NLRP14: variants seen among roughly 807,000 people sequenced by gnomAD.
The protein encoded by NLRP14 is NACHT, LRR and PYD domains-containing protein 14.
NLRP14 carries 105 observed loss-of-function variants against 94.7 expected under a neutral mutation model. The ratio of observed to expected loss-of-function variants is 1.11; its 90% CI spans 0.95 to 1.30. The LOEUF (loss-of-function observed/expected upper bound fraction) is 1.30. NLRP14 is among the 50% of genes most tolerant of loss of function. NLRP14 has a pLI of 0.00. For synonymous variants in NLRP14, 508 were observed against 459.9 expected, an observed-to-expected ratio of 1.10 and a Z score of -1.34; for missense variants, 1,362 against 1,254.1, an observed-to-expected ratio of 1.09 and a Z score of -1.30.
intron 8 of NLRP14, 144 bp downstream of exon 8, chr11:7,058,594 GC>G (rs1852558708): frequency 1.5e-6 from 1 of 672,408 alleles, no homozygotes; most frequent in East Asian, 2.7e-5. Flanking sequence ...ATTAATAATT[GC>G]CATTTATTGT....
At chr11:7,086,165 T>C in the NLRP14 span, among the ~76,000 whole-genome samples, 1 of 152,260 alleles carries the variant, frequency 6.6e-6, no homozygotes, top group East Asian at 1.9e-4. Context: ...CCACTAGCAC[T>C]ACACAGGGGT....
intron 6 of NLRP14, among the ~76,000 whole-genome samples, chr11:7,056,674 T>G (rs925020605): frequency 1.3e-5 from 2 of 152,104 alleles, no homozygotes; most frequent in Non-Finnish European, 1.5e-5. Context: ...TTTTCTTTCA[T>G]TTTTGTTCTG....
chr11:7,042,034 T>A (rs896787846), intron 3 of NLRP14, among the ~76,000 whole-genome samples: 2 of 151,928 alleles, frequency 1.3e-5, no homozygotes, highest in South Asian at 2.1e-4. Flanking sequence ...TTTTTTTTTT[T>A]AATCTGGATG....
chr11:7,071,211 T>C lies in NLRP14; in HGVS notation c.3185T>C (p.Leu1062Pro). The C allele has an allele frequency of 6.2e-7, 1 of 1,613,964 alleles. No homozygotes were observed. Among genetic ancestry groups the C allele is most frequent in the Non-Finnish European group, 8.5e-7 (1 of 1,179,948 alleles). Reference protein sequence around the residue: ...KEAFDEEAQKLLEAVGVSNPH... With the variant: ...KEAFDEEAQKPLEAVGVSNPH... ...GCATTTGATGAGGAAGCCCAGAAGCTGCTGGAAGCTGTGGGAGTTAGCAAT... is the reference window on the plus strand; with the variant it reads ...GCATTTGATGAGGAAGCCCAGAAGCCGCTGGAAGCTGTGGGAGTTAGCAAT... The change falls in exon 12 of 12, where the codon CTG (leucine) becomes CCG (proline). Residue 1062 changes from leucine to proline, a missense_variant. By Grantham distance (98) the Leu-to-Pro change is moderately conservative. Transcript: ENST00000299481.
At chr11:7,045,082 A>G (rs549910771) in intron 4 of NLRP14, among the ~76,000 whole-genome samples, 1 of 152,308 alleles carries the variant, frequency 6.6e-6, no homozygotes, top group African/African-American at 2.4e-5. Flanking sequence ...ACTTTATCCA[A>G]GCTGTTTCAG....
At chr11:7,058,174 T>A in intron 7 of NLRP14, 106 bp from the exon 8 acceptor site, 1 of 898,570 alleles carries the variant, frequency 1.1e-6, no homozygotes, top group Non-Finnish European at 1.8e-6. Context: ...GTTAATTTTA[T>A]AGTTGAGGTA....
intron 10 of NLRP14, 83 bp downstream of exon 10, chr11:7,062,586 G>A (rs1263073430): frequency 8.1e-7 from 1 of 1,227,056 alleles, no homozygotes; most frequent in Non-Finnish European, 1.2e-6. Context: ...ATGGAGAGAG[G>A]ATAAAAACTA....
chr11:7,089,266 G>C, the NLRP14 span: 1 of 1,610,118 alleles, frequency 6.2e-7, no homozygotes, highest in Non-Finnish European at 8.5e-7. Flanking sequence ...AACAAGTCGA[G>C]GGGCTTCGCG....
the NLRP14 span, chr11:7,089,313 G>A: frequency 6.2e-7 from 1 of 1,606,152 alleles, no homozygotes; most frequent in Non-Finnish European, 8.5e-7. Flanking sequence ...CGCCAAGGCC[G>A]CCGCCAGAGA....
intron 1 of NLRP14, among the ~76,000 whole-genome samples, chr11:7,035,105 A>C (rs752159875): frequency 7.5e-4 from 114 of 152,040 alleles, no homozygotes; most frequent in Middle Eastern, 3.4e-3. Flanking sequence ...TAACATGGCC[A>C]ACATGGTGAA....
chr11:7,034,375 A>G lies in NLRP14; in HGVS notation c.-21-4191A>G, dbSNP rs190224932. 4.1e-3 allele frequency among the ~76,000 whole-genome samples: 627 copies of G among 152,266 alleles called. 7 individuals carry two copies. The highest frequency in any genetic ancestry group is 0.014 in the African/African-American group (579 of 41,560). ...CTTATTTCTGGCACTATGAGATGCT[A>G]TCGGCTCATCGTATCTATTCCCTGT... On this transcript the variant is annotated intron_variant, in intron 1 of 11. Coordinates refer to ENST00000299481, the MANE Select transcript of NLRP14 (RefSeq NM_176822.4).
intron 1 of NLRP14, among the ~76,000 whole-genome samples, chr11:7,036,299 C>A (rs1334636110): frequency 6.6e-6 from 1 of 152,066 alleles, no homozygotes; most frequent in Non-Finnish European, 1.5e-5. Flanking sequence ...AGGTAAAAAG[C>A]CAAAACAAAA....
chr11:7,090,212 T>G, the NLRP14 span: 2 of 1,612,316 alleles, frequency 1.2e-6, no homozygotes, highest in Non-Finnish European at 1.7e-6. Flanking sequence ...AGCGTGATTC[T>G]TACAGCCGGT....
intron 1 of NLRP14, among the ~76,000 whole-genome samples, chr11:7,023,353 A>G (rs939517166): frequency 6.8e-6 from 1 of 146,814 alleles, no homozygotes; most frequent in Non-Finnish European, 1.5e-5. Flanking sequence ...TTTTAATTAT[A>G]TTACATATAT....
chr11:7,077,333 T>C, the NLRP14 span, among the ~76,000 whole-genome samples: 1 of 152,190 alleles, frequency 6.6e-6, no homozygotes, highest in African/African-American at 2.4e-5. Flanking sequence ...CCACAACGGC[T>C]AGCATTCCTT....
intron 1 of NLRP14, among the ~76,000 whole-genome samples, chr11:7,037,534 A>G (rs1589859382): frequency 2.0e-5 from 3 of 152,194 alleles, no homozygotes; most frequent in Admixed American, 2.0e-4. Flanking sequence ...CTATCTCTTC[A>G]GGCAATTCAC....
At position 7,020,712 on chromosome 11, in the gene NLRP14, C is replaced by G. The variant is rs1286051358; in HGVS notation, c.-80C>G. 2.0e-5 allele frequency: 3 copies of G among 152,334 alleles called. No homozygotes were observed. The East Asian group carries it at 5.8e-4, about 29-fold the overall frequency. 9.4% of individuals were successfully genotyped at this position (152,334 alleles called of 1,614,324 possible). A position where few individuals can be genotyped will look rare whatever the true frequency, so the allele number is the denominator to read the frequency against. ...CGTGGTTGTCCTCGCTGTCCCGCGC[C>G]TTGGCGGAATGGGCACCTCACTAGC... On this transcript the variant is annotated 5_prime_UTR_variant, in exon 1 of 12. Transcript: ENST00000299481.
At chr11:7,047,316 T>C (rs113362511) in intron 5 of NLRP14, among the ~76,000 whole-genome samples, 1,262 of 21,724 alleles carry the variant, frequency 0.058, 16 homozygotes, top group African/African-American at 0.098. Context: ...TGTACCCCTT[T>C]CGTTTTTTTT....
intron 4 of NLRP14, among the ~76,000 whole-genome samples, chr11:7,044,976 T>C (rs1214236401): frequency 6.6e-6 from 1 of 152,232 alleles, no homozygotes; most frequent in Non-Finnish European, 1.5e-5. Flanking sequence ...AGGTAGGTGC[T>C]ATTATTTCCA....
Sources: allele counts gnomAD v4.1 joint callset (sites outside exome capture counted in the v4.1 genomes callset), GRCh38; gene constraint gnomAD v4.1.1; transcripts MANE v1.5; gene names NCBI Gene and HGNC (gene_info 2026-07-23, HGNC 2026-07-21).